ADGRL4: variants seen among roughly 807,000 people sequenced by gnomAD.
ADGRL4 encodes the protein adhesion G protein-coupled receptor L4, also known as EGF, latrophilin and seven transmembrane domain containing 1.
A neutral mutation model predicts 74.8 loss-of-function variants in ADGRL4; 90 were observed. That is an observed-to-expected ratio of 1.20 (90% CI 1.02 to 1.43). The LOEUF is 1.43. ADGRL4 is among the 40% of genes most tolerant of loss of function. ADGRL4 has a pLI of 0.00. For missense variants in ADGRL4, 881 were observed against 814.3 expected (o/e 1.08, Z -1.00); for synonymous variants, 311 against 279.2 (o/e 1.11, Z -1.14).
At chr1:78,931,558 AG>A (rs1649242947) in intron 7 of ADGRL4, among the ~76,000 whole-genome samples, 1 of 151,408 alleles carries the variant, frequency 6.6e-6, no homozygotes, top group African/African-American at 2.5e-5. Flanking sequence ...TCATGATGAC[AG>A]GATCAAATTC....
chr1:78,900,077 G>T (rs1486064419), intron 12 of ADGRL4, among the ~76,000 whole-genome samples: 1 of 152,118 alleles, frequency 6.6e-6, no homozygotes, highest in South Asian at 2.1e-4. Flanking sequence ...TGGAGGTAGA[G>T]AAATTTAAGC....
At chr1:79,001,944 TA>T (rs201283591) in intron 2 of ADGRL4, among the ~76,000 whole-genome samples, 48 of 152,140 alleles carry the variant, frequency 3.2e-4, no homozygotes, top group African/African-American at 1.1e-3. Flanking sequence ...GATGGTTATT[TA>T]AAAAAATGTT....
intron 2 of ADGRL4, among the ~76,000 whole-genome samples, chr1:78,982,354 A>G (rs1026986308): frequency 6.6e-6 from 1 of 151,952 alleles, no homozygotes; most frequent in Non-Finnish European, 1.5e-5. Context: ...TAATAGATCA[A>G]GTGAGATGTT....
intron 2 of ADGRL4, among the ~76,000 whole-genome samples, chr1:78,959,889 T>A (rs149508315): frequency 0.014 from 2,189 of 152,140 alleles, 55 homozygotes; most frequent in African/African-American, 0.051. Context: ...AGGTTCAGAG[T>A]TCTATCAAAA....
At chr1:78,956,036 A>G (rs1300337956) in intron 2 of ADGRL4, among the ~76,000 whole-genome samples, 2 of 152,182 alleles carry the variant, frequency 1.3e-5, no homozygotes, top group African/African-American at 4.8e-5. Flanking sequence ...TTTGGTATCC[A>G]ACAGCATATA....
chr1:78,960,229 T>C (rs1049943083), intron 2 of ADGRL4, among the ~76,000 whole-genome samples: 4 of 152,156 alleles, frequency 2.6e-5, no homozygotes, highest in African/African-American at 7.2e-5. Flanking sequence ...TATATAATGG[T>C]TTTTCTAAAA....
chr1:78,909,605 ATTCCAATCGAACCAT>A (rs1648717969), intron 12 of ADGRL4, among the ~76,000 whole-genome samples: 2 of 151,898 alleles, frequency 1.3e-5, no homozygotes, highest in South Asian at 4.1e-4. Flanking sequence ...TGGTTTATAT[ATTCCAATCGAACCAT>A]TTATTTTTAT....
rs533720728 is a variant in ADGRL4 at position 78,949,436 on chromosome 1, A to G, written c.173-3010T>C. 1.8e-3 allele frequency among the ~76,000 whole-genome samples: 274 copies of G among 152,186 alleles called. 2 individuals carry two copies. The highest frequency in any genetic ancestry group is 0.014 in the Middle Eastern group (4 of 294). On this transcript the variant is annotated intron_variant, in intron 2 of 14. Transcript: ENST00000370742. Reference sequence around the variant, plus strand: ...AAAATATTTCCTTATCTATCTCCCTATCTTCTGGGCTGGATATATGATATG... The same window carrying G: ...AAAATATTTCCTTATCTATCTCCCTGTCTTCTGGGCTGGATATATGATATG...
Position 78,937,906 on chromosome 1 carries a change from G to A in ADGRL4, c.661C>T (p.His221Tyr), listed in dbSNP as rs1649389096. Residue 221 changes from histidine (H) to tyrosine (Y), a missense_variant, in exon 6 of 15, where the codon CAT becomes TAT. His to Tyr is a moderately conservative substitution (Grantham distance 83, BLOSUM62 2). Coordinates refer to ENST00000370742, the MANE Select transcript of ADGRL4 (RefSeq NM_022159.4). ...ACAGTGTGCATGAGTTTTGTAAGAT[G>A]TGTTCTCCTATGATTCACAGATAAC... ...DKLSVNHRRT[H>Y]LTKLMHTVEQ... The A allele has an allele frequency of 3.1e-6, 5 of 1,613,774 alleles. No homozygotes were observed. Among genetic ancestry groups the A allele is most frequent in the African/African-American group, 1.3e-5 (1 of 74,910 alleles).
chr1:78,978,816 T>C (rs1650343901), intron 2 of ADGRL4, among the ~76,000 whole-genome samples: 1 of 152,024 alleles, frequency 6.6e-6, no homozygotes, highest in Admixed American at 6.6e-5. Context: ...GGTGCAAAGT[T>C]TGGAGGCAGA....
intron 2 of ADGRL4, among the ~76,000 whole-genome samples, chr1:79,003,239 G>T (rs764138451): frequency 6.6e-6 from 1 of 151,916 alleles, no homozygotes. Context: ...TAATTCTAAA[G>T]AGCATATTAA....
rs192426367 is a variant in ADGRL4 at position 78,974,476 on chromosome 1, A to G, written c.173-28050T>C. Among the ~76,000 whole-genome samples, 233 of 152,304 alleles carry G rather than the reference A, an allele frequency of 1.5e-3. 1 individual carries two copies. Among genetic ancestry groups the G allele is most frequent in the African/African-American group, 4.9e-3 (205 of 41,582 alleles). On this transcript the variant is annotated intron_variant, in intron 2 of 14. Transcript: ENST00000370742. Reference sequence around the variant, plus strand: ...CAAATGACATTTTTTACTTTTATACATTATACTCAAGGAAACATCCTCAGT... The same window carrying G: ...CAAATGACATTTTTTACTTTTATACGTTATACTCAAGGAAACATCCTCAGT...
intron 9 of ADGRL4, among the ~76,000 whole-genome samples, chr1:78,920,703 G>A (rs1188725976): frequency 6.6e-6 from 1 of 151,664 alleles, no homozygotes; most frequent in Non-Finnish European, 1.5e-5. Context: ...AAAGGCAATC[G>A]ATTATTATAA....
intron 2 of ADGRL4, among the ~76,000 whole-genome samples, chr1:79,004,138 C>T (rs554681706): frequency 2.0e-5 from 3 of 152,042 alleles, no homozygotes; most frequent in Non-Finnish European, 4.4e-5. Context: ...TAACAATATA[C>T]AATATCCTGG....
chr1:78,982,804 T>C (rs957815956), intron 2 of ADGRL4, among the ~76,000 whole-genome samples: 1 of 151,720 alleles, frequency 6.6e-6, no homozygotes, highest in Non-Finnish European at 1.5e-5. Context: ...AGAAATGCTT[T>C]CTGGGGGCTT....
intron 12 of ADGRL4, among the ~76,000 whole-genome samples, chr1:78,910,680 A>C (rs958422085): frequency 6.6e-6 from 1 of 151,832 alleles, no homozygotes; most frequent in Non-Finnish European, 1.5e-5. Context: ...AAGATTAAAA[A>C]TATTGAATGA....
At chr1:78,978,855 A>G (rs1198249464) in intron 2 of ADGRL4, among the ~76,000 whole-genome samples, 1 of 152,026 alleles carries the variant, frequency 6.6e-6, no homozygotes, top group African/African-American at 2.4e-5. Flanking sequence ...CTAATGCCAA[A>G]GATCTTATCT....
At chr1:78,963,770 C>G (rs1285196378) in intron 2 of ADGRL4, among the ~76,000 whole-genome samples, 1 of 152,000 alleles carries the variant, frequency 6.6e-6, no homozygotes, top group African/African-American at 2.4e-5. Context: ...CAAGAAATAA[C>G]TAAAGCATGT....
intron 2 of ADGRL4, among the ~76,000 whole-genome samples, chr1:78,983,006 AG>A (rs762672109): frequency 1.3e-5 from 2 of 151,846 alleles, no homozygotes; most frequent in African/African-American, 2.4e-5. Flanking sequence ...ACGGGGGCAG[AG>A]GGAGAGTGGG....
Sources: allele counts gnomAD v4.1 joint callset (sites outside exome capture counted in the v4.1 genomes callset), GRCh38; gene constraint gnomAD v4.1.1; transcripts MANE v1.5; gene names NCBI Gene and HGNC (gene_info 2026-07-23, HGNC 2026-07-21).